CPEB1: variants seen among roughly 807,000 people sequenced by gnomAD.
The protein encoded by CPEB1 is cytoplasmic polyadenylation element binding protein 1.
In CPEB1, 7 loss-of-function variants were observed where a neutral mutation model predicts 65.8. The ratio of observed to expected loss-of-function variants is 0.11; its 90% CI spans 0.06 to 0.20. CPEB1 has a LOEUF of 0.20. Ranked by LOEUF, CPEB1 falls within the 10% of genes least tolerant of loss-of-function variation. The probability of loss-of-function intolerance (pLI) is 1.00; values close to 1 mark genes in which losing one functional copy is unlikely to be tolerated. For synonymous variants in CPEB1, 262 were observed against 260.0 expected (o/e 1.01, Z -0.08); for missense variants, 551 against 712.2 (o/e 0.77, Z 2.58).
At chr15:82,625,794 T>A (rs947828517) in intron 3 of CPEB1, among the ~76,000 whole-genome samples, 7 of 152,224 alleles carry the variant, frequency 4.6e-5, no homozygotes, top group African/African-American at 1.4e-4. Context: ...GGACCATTTT[T>A]AAAAATTAAA....
chr15:82,544,822 G>A lies in CPEB1; in HGVS notation c.1657-120C>T. On this transcript the variant is annotated intron_variant, in intron 12 of 12. Coordinates refer to ENST00000684509, the MANE Select transcript of CPEB1 (RefSeq NM_001365242.1). ...TGGGAGACTCCCGATGGCCTCTGTG[G>A]GTTAGAAGAAATGGTCCCTAGGAAT... The A allele has an allele frequency of 5.5e-6, 4 of 731,922 alleles. No homozygotes were observed. In the South Asian group the frequency reaches 6.4e-5, roughly 12 times the overall value. The allele number at this position is 731,922 out of a possible 1,614,324, so 45.3% of individuals were successfully genotyped here.
intron 6 of CPEB1, among the ~76,000 whole-genome samples, chr15:82,554,770 A>G (rs2036894265): frequency 2.0e-5 from 3 of 152,256 alleles, no homozygotes; most frequent in Admixed American, 6.5e-5. Flanking sequence ...TTCAGGACAA[A>G]GATGTGGAAG....
Position 82,544,532 on chromosome 15 carries a change from G to T in CPEB1, c.*60C>A. On this transcript the variant is annotated 3_prime_UTR_variant, in exon 13 of 13. Coordinates refer to ENST00000684509, the MANE Select transcript of CPEB1 (RefSeq NM_001365242.1). Reference sequence around the variant, plus strand: ...TGGTCGCCAGTGGCAGGGTGGTGCAGGCTGCTTGCCTGACCTGCCAGCTTT... The same window carrying T: ...TGGTCGCCAGTGGCAGGGTGGTGCATGCTGCTTGCCTGACCTGCCAGCTTT... 7.5e-7 allele frequency: 1 copy of T among 1,334,932 alleles called. No homozygotes were observed. The highest frequency in any genetic ancestry group is 1.1e-6 in the Non-Finnish European group (1 of 945,066). The allele number at this position is 1,334,932 out of a possible 1,614,324, so 82.7% of individuals were successfully genotyped here. A position where few individuals can be genotyped will look rare whatever the true frequency, so the allele number is the denominator to read the frequency against.
At chr15:82,595,588 CAAT>C (rs1180075601) in intron 3 of CPEB1, among the ~76,000 whole-genome samples, 3 of 152,254 alleles carry the variant, frequency 2.0e-5, no homozygotes, top group Non-Finnish European at 4.4e-5. Flanking sequence ...TATGAGTTCA[CAAT>C]GATACTAAAA....
intron 1 of CPEB1, among the ~76,000 whole-genome samples, chr15:82,645,701 C>G (rs1359902347): frequency 6.6e-6 from 1 of 151,892 alleles, no homozygotes; most frequent in Non-Finnish European, 1.5e-5. Flanking sequence ...AACCCCATCT[C>G]TACTAAAAAT....
chr15:82,637,891 C>A, intron 1 of CPEB1: 1 of 408,560 alleles, frequency 2.4e-6, no homozygotes, highest in Non-Finnish European at 4.9e-6. Context: ...AATATTCACC[C>A]ATTAGAAATT....
At chr15:82,623,941 T>G (rs2045534788) in intron 3 of CPEB1, among the ~76,000 whole-genome samples, 1 of 152,322 alleles carries the variant, frequency 6.6e-6, no homozygotes, top group African/African-American at 2.4e-5. Flanking sequence ...AACATTCTGT[T>G]GCCAAATTGT....
intron 4 of CPEB1, among the ~76,000 whole-genome samples, chr15:82,564,202 T>G (rs1238130845): frequency 6.6e-6 from 1 of 152,232 alleles, no homozygotes; most frequent in Non-Finnish European, 1.5e-5. Flanking sequence ...AGAGAGTACG[T>G]ATTCCATAGA....
intron 1 of CPEB1, 154 bp from the exon 2 acceptor site, chr15:82,628,710 C>A: frequency 2.2e-6 from 1 of 457,646 alleles, no homozygotes; most frequent in Non-Finnish European, 3.9e-6. Context: ...ACCTTTGCCA[C>A]CCCTGAGAGA....
chr15:82,569,120 G>C (rs2039621723), intron 4 of CPEB1, among the ~76,000 whole-genome samples: 1 of 152,236 alleles, frequency 6.6e-6, no homozygotes, highest in Non-Finnish European at 1.5e-5. Context: ...CAGACGGAAA[G>C]GCAGTGTAGG....
intron 3 of CPEB1, among the ~76,000 whole-genome samples, chr15:82,611,650 T>C (rs2044162391): frequency 6.6e-6 from 1 of 151,512 alleles, no homozygotes; most frequent in East Asian, 1.9e-4. Context: ...CTGCAGTCCC[T>C]GATACTCAAG....
intron 1 of CPEB1, among the ~76,000 whole-genome samples, chr15:82,633,504 C>G (rs1262655468): frequency 6.6e-6 from 1 of 152,240 alleles, no homozygotes; most frequent in Non-Finnish European, 1.5e-5. Flanking sequence ...TCCCGAGTAG[C>G]TGGGATTACA....
chr15:82,558,046 C>G, intron 4 of CPEB1, 60 bp from the exon 5 acceptor site: 1 of 1,205,394 alleles, frequency 8.3e-7, no homozygotes, highest in Non-Finnish European at 1.2e-6. Flanking sequence ...CCAACAGCCT[C>G]TTTCTTCTCC....
chr15:82,638,315 T>C (rs964846414), intron 1 of CPEB1, among the ~76,000 whole-genome samples: 1 of 152,174 alleles, frequency 6.6e-6, no homozygotes, highest in African/African-American at 2.4e-5. Context: ...GGATGGATCT[T>C]TTACTCCTAT....
At chr15:82,634,706 G>A (rs1308527139) in intron 1 of CPEB1, among the ~76,000 whole-genome samples, 1 of 151,956 alleles carries the variant, frequency 6.6e-6, no homozygotes, top group African/African-American at 2.4e-5. Flanking sequence ...TTTTTCTGAA[G>A]TATTTTTCCT....
chr15:82,583,307 T>C (rs2041474823), intron 3 of CPEB1: 1 of 152,112 alleles, frequency 6.6e-6, no homozygotes, highest in African/African-American at 2.4e-5. Flanking sequence ...GCCATCTAGG[T>C]TGTAGGTAAC....
At chr15:82,637,994 A>T (rs1355637337) in intron 1 of CPEB1, 3 of 454,540 alleles carry the variant, frequency 6.6e-6, no homozygotes, top group Non-Finnish European at 1.3e-5. Context: ...AGTGGCATTG[A>T]CATTTTTGCA....
At chr15:82,589,802 A>G (rs1389348478) in intron 3 of CPEB1, among the ~76,000 whole-genome samples, 1 of 152,214 alleles carries the variant, frequency 6.6e-6, no homozygotes, top group Admixed American at 6.5e-5. Flanking sequence ...CCGCAGATCA[A>G]AAGTATTTTT....
chr15:82,570,151 G>T (rs979939989), intron 4 of CPEB1, among the ~76,000 whole-genome samples: 1 of 152,014 alleles, frequency 6.6e-6, no homozygotes, highest in African/African-American at 2.4e-5. Flanking sequence ...TCCTAAATGG[G>T]GTTTTACCAA....
Sources: allele counts gnomAD v4.1 joint callset (sites outside exome capture counted in the v4.1 genomes callset), GRCh38; gene constraint gnomAD v4.1.1; transcripts MANE v1.5; gene names NCBI Gene and HGNC (gene_info 2026-07-23, HGNC 2026-07-21).